Variants in MTCL1 observed in about 807,000 individuals in gnomAD.
MTCL1 encodes microtubule cross-linking factor 1.
Under a neutral mutation model 141.4 loss-of-function variants are expected in MTCL1, and 79 were observed. The ratio of observed to expected loss-of-function variants is 0.56; its 90% CI spans 0.47 to 0.67. MTCL1 has a LOEUF of 0.67. Among genes scored for constraint, MTCL1 ranks in the 30% least tolerant of loss-of-function variants. The pLI is 0.00. For missense variants in MTCL1, 2,177 were observed against 2,113.9 expected (o/e 1.03, Z -0.59); for synonymous variants, 914 against 875.8 (o/e 1.04, Z -0.77).
intron 4 of MTCL1, 86 bp downstream of exon 3, chr18:8,720,582 G>A (rs1290621616): frequency 5.9e-6 from 8 of 1,360,888 alleles, no homozygotes; most frequent in Middle Eastern, 2.5e-4. Context: ...CATTGTGGTC[G>A]AAAGCTGGGG....
upstream of MTCL1, chr18:8,705,607 C>T (rs2096056215): frequency 9.1e-6 from 11 of 1,210,394 alleles, no homozygotes; most frequent in Non-Finnish European, 1.1e-5. The surrounding 1 kb of genome is among the most constrained non-coding windows in gnomAD (Gnocchi z 5.2). Flanking sequence ...CCGCCGCCGC[C>T]GCCGTCGTCG....
At chr18:8,756,651 TTA>T (rs957469492) in intron 4 of MTCL1, among the ~76,000 whole-genome samples, 2 of 151,972 alleles carry the variant, frequency 1.3e-5, no homozygotes, top group Non-Finnish European at 2.9e-5. Context: ...AAAGAAAAAT[TTA>T]GAGCCTTTAA....
intron 11 of MTCL1, among the ~76,000 whole-genome samples, chr18:8,812,315 T>C (rs2076514603): frequency 6.6e-6 from 1 of 152,228 alleles, no homozygotes; most frequent in Non-Finnish European, 1.5e-5. Flanking sequence ...TTTCATTTGC[T>C]GAAAAGTGTT....
intron 5 of MTCL1, among the ~76,000 whole-genome samples, chr18:8,783,016 T>C (rs1041557938): frequency 6.6e-6 from 1 of 152,206 alleles, no homozygotes; most frequent in East Asian, 1.9e-4. Context: ...GGTCAGACCT[T>C]GTGGATTGTG....
rs1375592265 is a variant in MTCL1, at chr18:8,820,258, A to G, written c.3156+999A>G. On this transcript the variant is annotated intron_variant, in intron 13 of 16. Coordinates refer to ENST00000359865, the Ensembl canonical transcript of MTCL1. The stretch of plus-strand genomic sequence containing the variant: ...CCCTGTCTCTACTAAAAATACAAAA[A>G]AATTAGCCAGGCGTGGTGGCGGGTG... Among the ~76,000 whole-genome samples, 6 of 152,014 alleles carry G rather than the reference A, an allele frequency of 3.9e-5. No homozygotes were observed. In the East Asian group the frequency reaches 1.2e-3, roughly 29 times the overall value.
intron 4 of MTCL1, among the ~76,000 whole-genome samples, chr18:8,743,474 T>G (rs1823295386): frequency 6.6e-6 from 1 of 152,186 alleles, no homozygotes; most frequent in African/African-American, 2.4e-5. Context: ...CGACACAAAT[T>G]TATTGTCTCA....
At chr18:8,775,736 A>G (rs745502001) in intron 4 of MTCL1, among the ~76,000 whole-genome samples, 6 of 152,118 alleles carry the variant, frequency 3.9e-5, no homozygotes, top group Non-Finnish European at 5.9e-5. Flanking sequence ...CACTTTACCA[A>G]AAAGACTAAA....
In MTCL1 at chr18:8,786,095, A is replaced by G. The variant is rs1485494485; in HGVS notation, c.1887+4A>G. On this transcript the variant is annotated splice_donor_region_variant and intron_variant, in intron 7 of 16. Coordinates refer to ENST00000359865, the Ensembl canonical transcript of MTCL1. ...CCAGACCTGCTTCAGCCTGGAGGTC[A>G]GCGTGGGCAAGCAATCCCCCCCCCC... The G allele has an allele frequency of 6.5e-7, 1 of 1,543,278 alleles. No individual in the cohort carries two copies. The highest frequency in any genetic ancestry group is 1.9e-4 in the Middle Eastern group (1 of 5,342).
At chr18:8,788,691 C>T (rs1296639742) in intron 7 of MTCL1, among the ~76,000 whole-genome samples, 1 of 152,210 alleles carries the variant, frequency 6.6e-6, no homozygotes, top group Admixed American at 6.5e-5. Context: ...AGCCCTGCTG[C>T]TCAGACACCA....
chr18:8,812,179 G>A (rs1180357256), intron 11 of MTCL1, among the ~76,000 whole-genome samples: 3 of 152,102 alleles, frequency 2.0e-5, no homozygotes, highest in African/African-American at 2.4e-5. Context: ...CATTTCCAGT[G>A]TTTATTTTCT....
At position 8,796,220 on chromosome 18, in the gene MTCL1, A is replaced by G. The variant is rs774197203; in HGVS notation, c.2011-12A>G. 1 of 1,612,864 alleles carries G rather than the reference A, an allele frequency of 6.2e-7. No individual in the cohort carries two copies. Among genetic ancestry groups the G allele is most frequent in the South Asian group, 1.1e-5 (1 of 91,046 alleles). On this transcript the variant is annotated splice_polypyrimidine_tract_variant and intron_variant, in intron 8 of 16. Coordinates refer to ENST00000359865, the Ensembl canonical transcript of MTCL1. ...AGCTGCTTGTCACACTGTCTCTCTT[A>G]TTCCATTCAAGATGGAGGAGGAGCA...
chr18:8,792,807 G>C (rs2075780500), intron 7 of MTCL1, among the ~76,000 whole-genome samples, 191 bp from the exon 7 acceptor site: 1 of 152,204 alleles, frequency 6.6e-6, no homozygotes. Flanking sequence ...CCCTCCCCAG[G>C]TAACGCAGGG....
In MTCL1 at chr18:8,746,760, G is replaced by T. The variant is rs949826766; in HGVS notation, c.357+26264G>T. On this transcript the variant is annotated intron_variant, in intron 4 of 16. Coordinates refer to ENST00000359865, the Ensembl canonical transcript of MTCL1. ...TGTGCCAGAGCTGGGCCTGGGCAGT[G>T]ATGGATGTGGATTATGGATGTGGGA... Among the ~76,000 whole-genome samples, 42 of 152,266 alleles carry T rather than the reference G, an allele frequency of 2.8e-4. 1 individual carries two copies. Among genetic ancestry groups the T allele is most frequent in the African/African-American group, 1.0e-3 (42 of 41,548 alleles).
chr18:8,729,673 AAT>A (rs3051533), intron 4 of MTCL1, among the ~76,000 whole-genome samples: 18 of 131,530 alleles, frequency 1.4e-4, no homozygotes, highest in Non-Finnish European at 2.2e-4. Flanking sequence ...CAAGAAGACA[AAT>A]ATATATATAT....
At chr18:8,827,961 G>A (rs1310213720) in intron 15 of MTCL1, among the ~76,000 whole-genome samples, 2 of 152,222 alleles carry the variant, frequency 1.3e-5, no homozygotes, top group Non-Finnish European at 2.9e-5. Context: ...AAGAGATGAT[G>A]TGAAGGGAGC....
chr18:8,781,205 A>AAT (rs2096531567), intron 5 of MTCL1, among the ~76,000 whole-genome samples: 1 of 137,772 alleles, frequency 7.3e-6, no homozygotes, highest in African/African-American at 2.7e-5. Flanking sequence ...AAAAAAAAAA[A>AAT]GAATGAATGA....
At chr18:8,796,545 C>G in intron 9 of MTCL1, 83 bp downstream of exon 8, 1 of 1,305,934 alleles carries the variant, frequency 7.7e-7, no homozygotes, top group Non-Finnish European at 1.1e-6. Flanking sequence ...CCACCCTACA[C>G]ACAGTCATGT....
chr18:8,788,579 T>C (rs2075605263), intron 7 of MTCL1, among the ~76,000 whole-genome samples: 1 of 152,184 alleles, frequency 6.6e-6, no homozygotes. Flanking sequence ...CTACTACTCA[T>C]AGTTGTACCA....
chr18:8,722,998 G>A (rs879114802), intron 4 of MTCL1, among the ~76,000 whole-genome samples: 1 of 152,206 alleles, frequency 6.6e-6, no homozygotes, highest in Admixed American at 6.5e-5. Flanking sequence ...AGAACCTGAT[G>A]CTGGCTCAGG....
Sources: gnomAD v4.1 joint callset for allele counts (sites outside exome capture counted in the v4.1 genomes callset) on GRCh38, gnomAD v4.1.1 for gene constraint, Gnocchi (gnomAD v3.1) non-coding constraint, MANE v1.5 for transcripts, NCBI Gene and HGNC (gene_info 2026-07-23, HGNC 2026-07-21) for gene names.